Variants in ATXN1 observed in about 807,000 individuals in gnomAD.
ATXN1 encodes ataxin 1.
ATXN1 carries 8 observed loss-of-function variants against 56.4 expected under a neutral mutation model. The observed-to-expected ratio is 0.14, with a 90% CI of 0.08 to 0.26. The LOEUF is 0.26. Ranked by LOEUF, ATXN1 falls within the 10% of genes least tolerant of loss-of-function variation. The pLI, the probability that ATXN1 is intolerant of heterozygous loss-of-function variation, is 1.00. For synonymous variants in ATXN1, 514 were observed against 494.6 expected, an observed-to-expected ratio of 1.04 and a Z score of -0.52; for missense variants, 987 against 1,106.5, an observed-to-expected ratio of 0.89 and a Z score of 1.53.
chr6:16,314,619 A>T (rs1760469073), intron 7 of ATXN1, among the ~76,000 whole-genome samples: 1 of 151,728 alleles, frequency 6.6e-6, no homozygotes, highest in Non-Finnish European at 1.5e-5. Flanking sequence ...TGTTATTATT[A>T]TTATTTTTTT....
At chr6:16,584,641 C>A (rs374140125) in intron 4 of ATXN1, among the ~76,000 whole-genome samples, 2 of 148,956 alleles carry the variant, frequency 1.3e-5, no homozygotes, top group Admixed American at 1.3e-4. Flanking sequence ...TGACCCCCCC[C>A]ACCCCCAAAA....
intron 6 of ATXN1, among the ~76,000 whole-genome samples, chr6:16,449,985 A>G (rs1352641189): frequency 3.3e-5 from 5 of 152,242 alleles, no homozygotes; most frequent in African/African-American, 9.6e-5. Flanking sequence ...TCTTGATTTT[A>G]TAAGTCAGCA....
intron 3 of ATXN1, among the ~76,000 whole-genome samples, chr6:16,639,487 A>AT (rs1763666386): frequency 1.3e-5 from 2 of 152,200 alleles, no homozygotes; most frequent in South Asian, 4.2e-4. Context: ...CTAATTTTGT[A>AT]TTTTTAGTAG....
At chr6:16,750,882 G>GC (rs1760695800) in intron 2 of ATXN1, among the ~76,000 whole-genome samples, 1 of 151,758 alleles carries the variant, frequency 6.6e-6, no homozygotes, top group Non-Finnish European at 1.5e-5. Flanking sequence ...AGGATTTTCA[G>GC]CCTAGCACAT....
intron 5 of ATXN1, among the ~76,000 whole-genome samples, chr6:16,501,667 G>C (rs1438111184): frequency 6.6e-6 from 1 of 152,018 alleles, no homozygotes; most frequent in African/African-American, 2.4e-5. Flanking sequence ...CTTTTTTATG[G>C]CTGCATAGTA....
At chr6:16,422,098 C>G (rs558296625) in intron 6 of ATXN1, among the ~76,000 whole-genome samples, 49 of 151,866 alleles carry the variant, frequency 3.2e-4, no homozygotes, top group Non-Finnish European at 6.2e-4. Context: ...AATCATATTC[C>G]TCTTCATTCC....
chr6:16,662,801 C>T (rs1396407988), intron 2 of ATXN1, among the ~76,000 whole-genome samples: 5 of 152,124 alleles, frequency 3.3e-5, no homozygotes, highest in African/African-American at 7.2e-5. Context: ...GGTTAATTTG[C>T]GTCATTTAAC....
At chr6:16,731,649 T>A (rs1359181608) in intron 2 of ATXN1, among the ~76,000 whole-genome samples, 1 of 151,872 alleles carries the variant, frequency 6.6e-6, no homozygotes, top group Non-Finnish European at 1.5e-5. Context: ...ACTAGAAGAT[T>A]ACTTGATCAA....
At chr6:16,525,301 A>C (rs1761369538) in intron 4 of ATXN1, among the ~76,000 whole-genome samples, 1 of 152,254 alleles carries the variant, frequency 6.6e-6, no homozygotes, top group South Asian at 2.1e-4. Flanking sequence ...ATGGATAAAG[A>C]AAGTATAGTA....
At chr6:16,470,903 G>T (rs1008179263) in intron 6 of ATXN1, among the ~76,000 whole-genome samples, 1 of 152,042 alleles carries the variant, frequency 6.6e-6, no homozygotes, top group African/African-American at 2.4e-5. Context: ...CCTAGCCAAG[G>T]TCTCTATCAG....
At chr6:16,491,565 G>A (rs1301636524) in intron 5 of ATXN1, among the ~76,000 whole-genome samples, 7 of 151,914 alleles carry the variant, frequency 4.6e-5, no homozygotes, top group African/African-American at 1.7e-4. Context: ...CCAAAGTGCC[G>A]GGATTACAGG....
chr6:16,387,884 A>G (rs942777412), intron 6 of ATXN1, among the ~76,000 whole-genome samples: 1 of 152,190 alleles, frequency 6.6e-6, no homozygotes, highest in Non-Finnish European at 1.5e-5. Context: ...TGTACAATAC[A>G]CAACTAAATC....
intron 6 of ATXN1, among the ~76,000 whole-genome samples, chr6:16,384,692 T>C (rs1304764033): frequency 6.6e-6 from 1 of 152,192 alleles, no homozygotes; most frequent in Non-Finnish European, 1.5e-5. Context: ...TCTGGTTGTT[T>C]AAAAGTGTGT....
intron 2 of ATXN1, among the ~76,000 whole-genome samples, chr6:16,724,275 A>G (rs1759803034): frequency 6.6e-6 from 1 of 152,234 alleles, no homozygotes; most frequent in South Asian, 2.1e-4. Flanking sequence ...GAATCGAGAG[A>G]AAATTCATGA....
chr6:16,370,613 T>C (rs1012224396), intron 6 of ATXN1, among the ~76,000 whole-genome samples: 12 of 152,216 alleles, frequency 7.9e-5, no homozygotes, highest in African/African-American at 2.7e-4. Context: ...ATCTCCAACA[T>C]GATATATCCA....
chr6:16,424,329 C>G (rs62387748), intron 6 of ATXN1, among the ~76,000 whole-genome samples: 2 of 152,154 alleles, frequency 1.3e-5, no homozygotes, highest in African/African-American at 4.8e-5. Flanking sequence ...CACAAACATT[C>G]GGTGATTTGG....
At chr6:16,708,622 T>A (rs1421389619) in intron 2 of ATXN1, among the ~76,000 whole-genome samples, 1 of 152,096 alleles carries the variant, frequency 6.6e-6, no homozygotes, top group Non-Finnish European at 1.5e-5. Context: ...AGTTAAAGGG[T>A]CATTTCATAA....
chr6:16,673,020 C>CA (rs559212594), intron 2 of ATXN1, among the ~76,000 whole-genome samples: 1,973 of 105,466 alleles, frequency 0.019, 57 homozygotes, highest in East Asian at 0.04. Context: ...TCCCCCCCGC[C>CA]AAAAAAAAAA....
At chr6:16,308,446 C>T (rs577852874) in intron 7 of ATXN1, among the ~76,000 whole-genome samples, 2 of 152,220 alleles carry the variant, frequency 1.3e-5, no homozygotes, top group East Asian at 3.9e-4. Flanking sequence ...CTCCTGAAGG[C>T]ACTTGAACAT....
Sources: allele counts gnomAD v4.1 joint callset (sites outside exome capture counted in the v4.1 genomes callset), GRCh38; gene constraint gnomAD v4.1.1; transcripts MANE v1.5; gene names NCBI Gene and HGNC (gene_info 2026-07-23, HGNC 2026-07-21).